DAP3: variants seen among roughly 807,000 people sequenced by gnomAD.
The protein encoded by DAP3 is small ribosomal subunit protein mS29.
DAP3 carries 28 observed loss-of-function variants against 51.9 expected under a neutral mutation model. The ratio of observed to expected loss-of-function variants is 0.54; its 90% CI spans 0.40 to 0.74. The LOEUF (loss-of-function observed/expected upper bound fraction) is 0.74. DAP3 is among the 30% of genes least tolerant of loss of function. The pLI is 0.00. For synonymous variants in DAP3, 170 were observed against 170.3 expected, an observed-to-expected ratio of 1.00 and a Z score of 0.01; for missense variants, 458 against 483.5, an observed-to-expected ratio of 0.95 and a Z score of 0.49.
intron 1 of DAP3, among the ~76,000 whole-genome samples, chr1:155,701,568 GA>G (rs1166709778): frequency 8.1e-6 from 1 of 123,292 alleles, no homozygotes; most frequent in Non-Finnish European, 1.6e-5. Flanking sequence ...CTCTGCCTAG[GA>G]AAACCAGAGA....
chr1:155,691,910 G>A (rs977065429), intron 1 of DAP3, among the ~76,000 whole-genome samples: 1 of 141,510 alleles, frequency 7.1e-6, no homozygotes, highest in Non-Finnish European at 1.5e-5. Flanking sequence ...CAGGTTAAGT[G>A]TTCATAAAGG....
At chr1:155,688,763 C>A (rs1653161550), upstream of DAP3, 4 of 1,527,064 alleles carry the variant, frequency 2.6e-6, no homozygotes, top group Admixed American at 2.1e-5. Context: ...GCCGCCAGCA[C>A]CCCCACCCTA....
At chr1:155,735,108 G>GGA (rs1553191759) in intron 11 of DAP3, among the ~76,000 whole-genome samples, 8 of 67,568 alleles carry the variant, frequency 1.2e-4, no homozygotes, top group African/African-American at 5.2e-4. Context: ...ACCAAAAAAT[G>GGA]AAAAAAAAAA....
chr1:155,689,143 G>A lies in DAP3; in HGVS notation c.-39G>A, dbSNP rs1653271521. ...CGGCCCCAGGCAGCGTGTGTCGGTC[G>A]CCTAGTCTGGAGAACTAGTCCTCGA... On this transcript the variant is annotated 5_prime_UTR_variant, in exon 1 of 13. Transcript: ENST00000368336. 1.3e-5 allele frequency: 11 copies of A among 878,580 alleles called. No homozygotes were observed. Among genetic ancestry groups the A allele is most frequent in the Middle Eastern group, 3.0e-4 (1 of 3,354 alleles). The allele number at this position is 878,580 out of a possible 1,614,324, so 54.4% of individuals were successfully genotyped here. A position where few individuals can be genotyped will look rare whatever the true frequency, so the allele number is the denominator to read the frequency against.
At position 155,727,367 on chromosome 1, in the gene DAP3, G is replaced by A. The variant is rs570259292; in HGVS notation, c.473-241G>A. ...ATAGTGGTTCAACAGCACTTTGAGAGGCTGAGGCAGGATGATTGCCTGAGC... is the reference window on the plus strand; with the variant it reads ...ATAGTGGTTCAACAGCACTTTGAGAAGCTGAGGCAGGATGATTGCCTGAGC... On this transcript the variant is annotated intron_variant, in intron 6 of 12. Transcript: ENST00000368336. 432 of 274,880 alleles carry A rather than the reference G, an allele frequency of 1.6e-3. 1 individual carries two copies. The highest frequency in any genetic ancestry group is 2.3e-3 in the Middle Eastern group (2 of 866). 17.0% of individuals were successfully genotyped at this position (274,880 alleles called of 1,614,324 possible). A position where few individuals can be genotyped will look rare whatever the true frequency, so the allele number is the denominator to read the frequency against.
intron 1 of DAP3, among the ~76,000 whole-genome samples, chr1:155,694,946 G>A (rs1440103900): frequency 4.6e-5 from 7 of 152,132 alleles, no homozygotes; most frequent in Admixed American, 4.6e-4. Context: ...GCATATGAGG[G>A]GTGGAATATT....
chr1:155,728,163 C>T (rs1418014575), intron 7 of DAP3, among the ~76,000 whole-genome samples: 1 of 152,122 alleles, frequency 6.6e-6, no homozygotes, highest in East Asian at 1.9e-4. Flanking sequence ...GCAGAGTCAC[C>T]TAAGAGCTTG....
In DAP3 at chr1:155,701,488, G is replaced by C. The variant is rs868339964; in HGVS notation, c.-7-8285G>C. On this transcript the variant is annotated intron_variant, in intron 1 of 12. Transcript: ENST00000368336. ...ACAGATGCTTGAAGGCAGCATGCTC[G>C]TTAAGAGTCATCACCAATCCCTAAT... Among the ~76,000 whole-genome samples, 334 of 110,838 alleles carry C rather than the reference G, an allele frequency of 3.0e-3. 3 individuals are homozygous for C. The highest frequency in any genetic ancestry group is 0.013 in the African/African-American group (325 of 25,634). 72.7% of individuals were successfully genotyped at this position (110,838 alleles called of 152,430 possible).
At chr1:155,704,920 A>G (rs1655754509) in intron 1 of DAP3, among the ~76,000 whole-genome samples, 1 of 152,078 alleles carries the variant, frequency 6.6e-6, no homozygotes, top group East Asian at 1.9e-4. Flanking sequence ...TGGATGTTGC[A>G]GTGAGCCGAG....
intron 1 of DAP3, among the ~76,000 whole-genome samples, chr1:155,703,843 T>G (rs1478846402): frequency 6.6e-6 from 1 of 152,160 alleles, no homozygotes; most frequent in Non-Finnish European, 1.5e-5. Context: ...GACCTAGACT[T>G]TTTTAACTTG....
At chr1:155,721,165 G>A (rs1429064847) in intron 3 of DAP3, among the ~76,000 whole-genome samples, 1 of 151,598 alleles carries the variant, frequency 6.6e-6, no homozygotes, top group African/African-American at 2.4e-5. Flanking sequence ...GTGAAACCCC[G>A]TCTCTACTAG....
chr1:155,690,155 A>G (rs1653542909), intron 1 of DAP3, among the ~76,000 whole-genome samples: 1 of 141,536 alleles, frequency 7.1e-6, no homozygotes, highest in Non-Finnish European at 1.5e-5. Flanking sequence ...TTTCAAATTT[A>G]TGCCTTTTAC....
At position 155,721,580 on chromosome 1, in the gene DAP3, G is replaced by A; in HGVS notation, c.232G>A (p.Val78Ile). Reference sequence around the variant, plus strand: ...CATCTCCCCCCAGGATTTGGAGACTGTATTTCCCCATGGCCTTCCTCCTCG... The same window carrying A: ...CATCTCCCCCCAGGATTTGGAGACTATATTTCCCCATGGCCTTCCTCCTCG... ...YNISPQDLET[V>I]FPHGLPPRFV... The change falls in exon 4 of 13, where the codon GTA becomes ATA. Residue 78 changes from valine to isoleucine, a missense_variant. Physicochemically the swap from Val to Ile is conservative, Grantham distance 29. Coordinates refer to ENST00000368336, the MANE Select transcript of DAP3 (RefSeq NM_004632.4). The A allele has an allele frequency of 6.2e-7, 1 of 1,614,056 alleles. No homozygotes were observed. The highest frequency in any genetic ancestry group is 1.1e-5 in the South Asian group (1 of 91,076).
chr1:155,720,494 C>A (rs1657863804), intron 3 of DAP3, among the ~76,000 whole-genome samples: 1 of 151,406 alleles, frequency 6.6e-6, no homozygotes, highest in Non-Finnish European at 1.5e-5. Context: ...ACTAAAAATA[C>A]AAAATTAGCC....
At chr1:155,711,641 G>A (rs935723133) in intron 2 of DAP3, among the ~76,000 whole-genome samples, 2 of 151,460 alleles carry the variant, frequency 1.3e-5, no homozygotes, top group African/African-American at 4.9e-5. Context: ...GTTCTCTACA[G>A]GGACAGCACT....
At chr1:155,723,363 T>C (rs1658213280) in intron 4 of DAP3, among the ~76,000 whole-genome samples, 1 of 151,952 alleles carries the variant, frequency 6.6e-6, no homozygotes, top group South Asian at 2.1e-4. Context: ...AGTTTCACTT[T>C]TGTCGCCCAG....
intron 3 of DAP3, among the ~76,000 whole-genome samples, chr1:155,718,496 A>G (rs1319380636): frequency 6.6e-6 from 1 of 152,064 alleles, no homozygotes; most frequent in East Asian, 1.9e-4. Context: ...CATCCTGGCT[A>G]ACACAGTGAG....
At chr1:155,694,322 T>C (rs1390766706) in intron 1 of DAP3, among the ~76,000 whole-genome samples, 5 of 141,378 alleles carry the variant, frequency 3.5e-5, no homozygotes, top group South Asian at 2.1e-4. Context: ...AACACTATTA[T>C]TAACATAAGC....
intron 12 of DAP3, among the ~76,000 whole-genome samples, chr1:155,737,664 C>T (rs188391423): frequency 2.6e-5 from 4 of 152,058 alleles, no homozygotes; most frequent in Non-Finnish European, 5.9e-5. Context: ...CAGTGGCTCA[C>T]ACCTGTAATC....
Sources: gnomAD v4.1 joint callset for allele counts (sites outside exome capture counted in the v4.1 genomes callset) on GRCh38, gnomAD v4.1.1 for gene constraint, MANE v1.5 for transcripts, NCBI Gene and HGNC (gene_info 2026-07-23, HGNC 2026-07-21) for gene names.